The following RRM2 variants were observed in gnomAD, a reference collection of about 807,000 sequenced individuals.
The protein encoded by RRM2 is ribonucleotide reductase regulatory subunit M2.
In RRM2, 6 loss-of-function variants were observed where a neutral mutation model predicts 45.9. The ratio of observed to expected loss-of-function variants is 0.13; its 90% CI spans 0.07 to 0.26. RRM2 has a LOEUF of 0.26. RRM2 is among the 10% of genes least tolerant of loss of function. The pLI is 1.00. For synonymous variants in RRM2, 177 were observed against 173.0 expected (o/e 1.02, Z -0.18); for missense variants, 343 against 489.5 (o/e 0.70, Z 2.82).
In RRM2 at chr2:10,169,579, G is replaced by T. The variant is rs974279050; in HGVS notation, n.482+27204G>T. 2.0e-5 allele frequency among the ~76,000 whole-genome samples: 3 copies of T among 152,154 alleles called. No homozygotes were observed. Among genetic ancestry groups the T allele is most frequent in the African/African-American group, 7.2e-5 (3 of 41,430 alleles). On this transcript the variant is annotated intron_variant and non_coding_transcript_variant, in intron 3 of 3. Transcript: ENST00000381786. The surrounding 1 kb of genome is among the most constrained non-coding windows in gnomAD (Gnocchi z 5.1). ...AGCTGGGGTTGGGGAGGCGCAGGGG[G>T]GCTCCCCAGCAGAGGGAGGGCATTT...
At chr2:10,123,342 T>C in intron 2 of RRM2, 45 bp from the exon 3 acceptor site, 1 of 1,563,718 alleles carries the variant, frequency 6.4e-7, no homozygotes, top group Non-Finnish European at 8.6e-7. Context: ...GTTAGTTTCA[T>C]ATGGTTCGCC....
chr2:10,154,663 C>G (rs1663388727), intron 3 of RRM2, among the ~76,000 whole-genome samples: 1 of 151,090 alleles, frequency 6.6e-6, no homozygotes, highest in Non-Finnish European at 1.5e-5. Context: ...TTGGTTAAGT[C>G]CCTGTCTCCA....
At chr2:10,123,955 T>C in intron 4 of RRM2, 103 bp downstream of exon 4, 1 of 731,472 alleles carries the variant, frequency 1.4e-6, no homozygotes, top group Admixed American at 2.0e-5. Context: ...AGTGCATCTG[T>C]GTGTGTAAGC....
intron 2 of RRM2, chr2:10,142,114 C>G: frequency 6.4e-7 from 1 of 1,562,398 alleles, no homozygotes; most frequent in South Asian, 1.2e-5. Context: ...GGAGGGTGGG[C>G]AAGCGCAAAG....
chr2:10,143,340 G>T (rs1239174493), intron 3 of RRM2, among the ~76,000 whole-genome samples: 1 of 152,210 alleles, frequency 6.6e-6, no homozygotes, highest in African/African-American at 2.4e-5. Context: ...CAGATTAGGG[G>T]CCTCCTCAGA....
Position 10,185,547 on chromosome 2 carries a change from C to T in RRM2, n.483-24764C>T, listed in dbSNP as rs370903579. ...TCAGCCTTTTCCCCACCCATTCACT[C>T]CTCTCCCAAATCCGGATGGTTTTAA... is the stretch of plus-strand genomic sequence containing the variant. On this transcript the variant is annotated intron_variant and non_coding_transcript_variant, in intron 3 of 3. Transcript: ENST00000381786. This position sits in a 1 kb window ranked among gnomAD's most constrained non-coding sequence, Gnocchi z 4.3. Among the ~76,000 whole-genome samples the T allele has an allele frequency of 1.3e-5, 2 of 152,136 alleles. No homozygotes were observed. Among genetic ancestry groups the T allele is most frequent in the African/African-American group, 4.8e-5 (2 of 41,428 alleles).
rs1417853770 is a variant in RRM2 at position 10,131,204 on chromosome 2, A to G, written c.*1818A>G. 2 of 152,192 alleles carry G rather than the reference A, an allele frequency of 1.3e-5. No individual in the cohort carries two copies. Among genetic ancestry groups the G allele is most frequent in the African/African-American group, 4.8e-5 (2 of 41,448 alleles). The allele number at this position is 152,192 out of a possible 1,614,324, so 9.4% of individuals were successfully genotyped here. ...TGGTCCTTATATGTGTACAACATTAAAATGAAAGGCTTTGTCTTGCATTGT... is the reference window on the plus strand; with the variant it reads ...TGGTCCTTATATGTGTACAACATTAGAATGAAAGGCTTTGTCTTGCATTGT... On this transcript the variant is annotated 3_prime_UTR_variant, in exon 10 of 10. Coordinates refer to ENST00000304567, the MANE Select transcript of RRM2 (RefSeq NM_001034.4).
At position 10,129,200 on chromosome 2, in the gene RRM2, C is replaced by T; in HGVS notation, c.1018-34C>T. 6.2e-6 allele frequency: 10 copies of T among 1,613,842 alleles called. No homozygotes were observed. Among genetic ancestry groups the T allele is most frequent in the Non-Finnish European group, 8.5e-6 (10 of 1,179,802 alleles). The stretch of plus-strand genomic sequence containing the variant: ...CCTTTTGCTTGTTTTGAAGCTGGTG[C>T]TCTGTATTTATATCTTGATGTGAAC... On this transcript the variant is annotated intron_variant, in intron 9 of 9. Coordinates refer to ENST00000304567, the MANE Select transcript of RRM2 (RefSeq NM_001034.4). The surrounding 1 kb of genome is among the most constrained non-coding windows in gnomAD (Gnocchi z 4.8).
chr2:10,202,535 G>T (rs1664586757), intron 3 of RRM2, among the ~76,000 whole-genome samples: 1 of 152,204 alleles, frequency 6.6e-6, no homozygotes, highest in African/African-American at 2.4e-5. Flanking sequence ...GTTTAGGGAG[G>T]GAGAGCTTAT....
At chr2:10,141,889 T>A in exon 2 of RRM2, 1 of 1,570,980 alleles carries the variant, frequency 6.4e-7, no homozygotes, top group Non-Finnish European at 8.6e-7. Flanking sequence ...GCAGATGGAG[T>A]CCAGGCCCTC....
chr2:10,156,034 T>G (rs1353241035), intron 3 of RRM2: 1 of 152,238 alleles, frequency 6.6e-6, no homozygotes, highest in Non-Finnish European at 1.5e-5. Flanking sequence ...GGCCTGAGTC[T>G]GCCTGAGTCT....
chr2:10,199,262 T>C (rs1279081532), intron 3 of RRM2: 1 of 95,598 alleles, frequency 1.0e-5, no homozygotes, highest in East Asian at 3.8e-4. Flanking sequence ...GCTTAGGTTT[T>C]AGTGATCTCC....
At chr2:10,133,816 G>A (rs1031434362), downstream of RRM2, among the ~76,000 whole-genome samples, 21 of 151,858 alleles carry the variant, frequency 1.4e-4, no homozygotes, top group African/African-American at 5.1e-4. Flanking sequence ...GCTCCAGCAA[G>A]GTGGTGGACT....
Position 10,127,903 on chromosome 2 carries a change from A to G in RRM2, c.798+683A>G, listed in dbSNP as rs190767443. ...ATAGTAGAGCCAGGAGCGGTGGCTC[A>G]TGCCTGTAATCCCAGCACTTTGGTA... On this transcript the variant is annotated intron_variant, in intron 7 of 9. Coordinates refer to ENST00000304567, the MANE Select transcript of RRM2 (RefSeq NM_001034.4). The surrounding 1 kb of genome is among the most constrained non-coding windows in gnomAD (Gnocchi z 4.1). 2.5e-3 allele frequency among the ~76,000 whole-genome samples: 381 copies of G among 151,758 alleles called. 7 individuals are homozygous for G. The highest frequency in any genetic ancestry group is 0.023 in the Admixed American group (344 of 15,254).
rs944034096 is a variant in RRM2 at position 10,169,897 on chromosome 2, C to G, written n.482+27522C>G. ...AGAGGGAGATGTGAGTCAGGTTTTC[C>G]TAGTTCCTGAGGGCCTGGGAGGCCT... On this transcript the variant is annotated intron_variant and non_coding_transcript_variant, in intron 3 of 3. Coordinates refer to the RRM2 transcript ENST00000381786. The surrounding 1 kb of genome is among the most constrained non-coding windows in gnomAD (Gnocchi z 5.1). 3.9e-5 allele frequency among the ~76,000 whole-genome samples: 6 copies of G among 152,142 alleles called. No homozygotes were observed. The highest frequency in any genetic ancestry group is 1.4e-4 in the African/African-American group (6 of 41,444).
At position 10,185,506 on chromosome 2, in the gene RRM2, T is replaced by C. The variant is rs1371248286; in HGVS notation, n.483-24805T>C. Among the ~76,000 whole-genome samples, 1 of 152,212 alleles carries C rather than the reference T, an allele frequency of 6.6e-6. No homozygotes were observed. The highest frequency in any genetic ancestry group is 2.4e-5 in the African/African-American group (1 of 41,456). Reference sequence around the variant, plus strand: ...ACATCAGTGTCAACAGAGGTCCATATGTGGCCAGTCTTGTCTCAGCCTTTT... The same window carrying C: ...ACATCAGTGTCAACAGAGGTCCATACGTGGCCAGTCTTGTCTCAGCCTTTT... On this transcript the variant is annotated intron_variant and non_coding_transcript_variant, in intron 3 of 3. Coordinates refer to the RRM2 transcript ENST00000381786. The surrounding 1 kb of genome is among the most constrained non-coding windows in gnomAD (Gnocchi z 4.3).
At chr2:10,159,285 C>T (rs985091226) in intron 3 of RRM2, among the ~76,000 whole-genome samples, 8 of 152,170 alleles carry the variant, frequency 5.3e-5, no homozygotes, top group Non-Finnish European at 1.0e-4. Flanking sequence ...GAGCAAAGCC[C>T]CAGAGGGATC....
chr2:10,182,325 G>A (rs7592993), intron 3 of RRM2, among the ~76,000 whole-genome samples: 4,963 of 151,784 alleles, frequency 0.033, 268 homozygotes, highest in African/African-American at 0.11. Flanking sequence ...CAGCCTGGAC[G>A]ACAGAGGAAG....
chr2:10,176,329 C>T (rs144115222), intron 3 of RRM2, among the ~76,000 whole-genome samples: 211 of 152,056 alleles, frequency 1.4e-3, no homozygotes, highest in African/African-American at 4.7e-3. Context: ...AGTGCAATGG[C>T]GCAATCTTGA....
Sources: allele counts gnomAD v4.1 joint callset (sites outside exome capture counted in the v4.1 genomes callset), GRCh38; gene constraint gnomAD v4.1.1; non-coding constraint Gnocchi (gnomAD v3.1); transcripts MANE v1.5; gene names NCBI Gene and HGNC (gene_info 2026-07-23, HGNC 2026-07-21).